Variants in SLC2A9 observed in about 807,000 individuals in gnomAD.
The protein encoded by SLC2A9 is solute carrier family 2 member 9.
A neutral mutation model predicts 50.6 loss-of-function variants in SLC2A9; 39 were observed. That is an observed-to-expected ratio of 0.77 (90% confidence interval 0.60 to 1.01). The LOEUF (loss-of-function observed/expected upper bound fraction) is 1.01. Ranked by LOEUF, SLC2A9 falls within the 50% of genes least tolerant of loss-of-function variation. SLC2A9 has a pLI of 0.00. For synonymous variants in SLC2A9, 324 were observed against 276.9 expected (o/e 1.17, Z -1.69); for missense variants, 686 against 677.6 (o/e 1.01, Z -0.14).
At chr4:9,776,807 G>C (rs760306088), downstream of SLC2A9, among the ~76,000 whole-genome samples, 1 of 152,140 alleles carries the variant, frequency 6.6e-6, no homozygotes, top group Admixed American at 6.5e-5. Flanking sequence ...CCAGTTCAGA[G>C]GACATTAATT....
At chr4:9,809,662 GT>G (rs1238291584) in intron 3 of SLC2A9, among the ~76,000 whole-genome samples, 1 of 152,168 alleles carries the variant, frequency 6.6e-6, no homozygotes, top group Admixed American at 6.5e-5. Context: ...AGTGAATCCA[GT>G]TTCCTCACTG....
chr4:9,856,493 G>C (rs1277818586), intron 10 of SLC2A9, among the ~76,000 whole-genome samples: 2 of 152,290 alleles, frequency 1.3e-5, no homozygotes, highest in Middle Eastern at 3.4e-3. Context: ...GCAGAGAAAA[G>C]AGAAAGCTTA....
At chr4:9,940,763 TTGTTAA>T (rs1289109445) in intron 6 of SLC2A9, among the ~76,000 whole-genome samples, 3 of 152,188 alleles carry the variant, frequency 2.0e-5, no homozygotes, top group Admixed American at 1.3e-4. Flanking sequence ...ATATAGGTAA[TTGTTAA>T]TATTTCATTA....
At chr4:9,784,749 A>G (rs1719000225) in intron 3 of SLC2A9, among the ~76,000 whole-genome samples, 1 of 152,214 alleles carries the variant, frequency 6.6e-6, no homozygotes, top group Non-Finnish European at 1.5e-5. Flanking sequence ...TTACCATCAG[A>G]TCTAAATGTG....
At chr4:9,957,022 C>T (rs544629653) in intron 5 of SLC2A9, among the ~76,000 whole-genome samples, 26 of 152,158 alleles carry the variant, frequency 1.7e-4, no homozygotes, top group African/African-American at 6.0e-4. Context: ...CCTGGTGGCT[C>T]AGCATGGAGG....
intron 3 of SLC2A9, among the ~76,000 whole-genome samples, chr4:9,809,205 A>G (rs536889750): frequency 6.6e-6 from 1 of 152,310 alleles, no homozygotes; most frequent in South Asian, 2.1e-4. Flanking sequence ...CAAATGGACA[A>G]AAGTGGACAG....
intron 10 of SLC2A9, among the ~76,000 whole-genome samples, chr4:9,850,384 C>T (rs564209684): frequency 2.2e-4 from 33 of 152,266 alleles, no homozygotes; most frequent in African/African-American, 7.0e-4. Flanking sequence ...TGCCCATTCC[C>T]CAAGGCTTGC....
chr4:9,935,049 G>C (rs1746816067), intron 6 of SLC2A9, among the ~76,000 whole-genome samples: 1 of 152,144 alleles, frequency 6.6e-6, no homozygotes, highest in African/African-American at 2.4e-5. Context: ...TCTTCATCCA[G>C]TCTATCATTG....
At chr4:10,029,215 G>C (rs2109588119) in intron 1 of SLC2A9, 1 of 152,354 alleles carries the variant, frequency 6.6e-6, no homozygotes, top group South Asian at 2.1e-4. Context: ...GACGAGGTTG[G>C]CTGACGAGGA....
At chr4:9,904,658 G>A (rs746953918) in intron 8 of SLC2A9, among the ~76,000 whole-genome samples, 12 of 152,300 alleles carry the variant, frequency 7.9e-5, no homozygotes, top group Non-Finnish European at 1.8e-4. Flanking sequence ...TTTTACAGAT[G>A]AGCAAATAAA....
chr4:9,823,482 G>A (rs1015250339), downstream of SLC2A9, among the ~76,000 whole-genome samples: 4 of 148,826 alleles, frequency 2.7e-5, no homozygotes, highest in Non-Finnish European at 4.4e-5. Context: ...TATGAACATC[G>A]GGAAAAATGT....
In SLC2A9 at chr4:9,948,888, G is replaced by T. The variant is rs144356676; in HGVS notation, c.682-6843C>A. Among the ~76,000 whole-genome samples the T allele has an allele frequency of 2.6e-5, 4 of 152,326 alleles. No individual in the cohort carries two copies. The East Asian group carries it at 5.8e-4, about 22-fold the overall frequency. On this transcript the variant is annotated intron_variant, in intron 5 of 11. Coordinates refer to ENST00000264784, the MANE Select transcript of SLC2A9 (RefSeq NM_020041.3). Reference sequence around the variant, plus strand: ...ACCTAAGACACATCTATGGGCCCATGATTCCAAATCTTCATGTCCATCCAC... The same window carrying T: ...ACCTAAGACACATCTATGGGCCCATTATTCCAAATCTTCATGTCCATCCAC...
At chr4:9,822,838 G>C (rs1301906136), downstream of SLC2A9, among the ~76,000 whole-genome samples, 1 of 151,892 alleles carries the variant, frequency 6.6e-6, no homozygotes, top group Non-Finnish European at 1.5e-5. Context: ...TCCCCCAAGG[G>C]CCACCCCTTT....
intron 7 of SLC2A9, among the ~76,000 whole-genome samples, chr4:9,918,638 G>C (rs1332300719): frequency 6.6e-6 from 1 of 152,218 alleles, no homozygotes; most frequent in Non-Finnish European, 1.5e-5. Context: ...ACAGCTCCTG[G>C]CCCACTCTGA....
chr4:10,036,040 T>A, intron 1 of SLC2A9: 1 of 204,410 alleles, frequency 4.9e-6, no homozygotes, highest in Non-Finnish European at 9.4e-6. Context: ...GCAGATGGCC[T>A]GTCAAGGGAC....
At chr4:9,991,521 A>G (rs1255537357) in intron 3 of SLC2A9, among the ~76,000 whole-genome samples, 3 of 152,194 alleles carry the variant, frequency 2.0e-5, no homozygotes, top group Admixed American at 6.5e-5. Flanking sequence ...AAACTGCCTG[A>G]CAATGAAGCC....
chr4:9,835,137 A>G, intron 10 of SLC2A9, 129 bp from the exon 11 acceptor site: 1 of 1,301,054 alleles, frequency 7.7e-7, no homozygotes, highest in East Asian at 2.4e-5. Flanking sequence ...AGTGGGCCCC[A>G]GTTCCTGAGT....
At chr4:9,850,201 C>A (rs774389034) in intron 10 of SLC2A9, among the ~76,000 whole-genome samples, 28 of 152,120 alleles carry the variant, frequency 1.8e-4, no homozygotes, top group Non-Finnish European at 2.8e-4. Flanking sequence ...TGAGGAATGG[C>A]CCGCTCTCAC....
At chr4:9,916,512 C>T (rs1252273983) in intron 7 of SLC2A9, among the ~76,000 whole-genome samples, 3 of 152,208 alleles carry the variant, frequency 2.0e-5, no homozygotes, top group Non-Finnish European at 1.5e-5. Context: ...AACAGTCGTG[C>T]TGATGACAGC....
Sources: allele counts gnomAD v4.1 joint callset (sites outside exome capture counted in the v4.1 genomes callset), GRCh38; gene constraint gnomAD v4.1.1; transcripts MANE v1.5; gene names NCBI Gene and HGNC (gene_info 2026-07-23, HGNC 2026-07-21).